The following RASA3 variants were observed in gnomAD, a reference collection of about 807,000 sequenced individuals.
RASA3 encodes RAS p21 protein activator 3.
Under a neutral mutation model 110.0 loss-of-function variants are expected in RASA3, and 73 were observed. The observed-to-expected ratio is 0.66, with a 90% confidence interval of 0.55 to 0.81. RASA3 has a LOEUF of 0.81. Among genes scored for constraint, RASA3 ranks in the 30% least tolerant of loss-of-function variants. RASA3 has a pLI of 0.00. For synonymous variants in RASA3, 500 were observed against 451.4 expected (o/e 1.11, Z -1.37); for missense variants, 976 against 1,113.2 (o/e 0.88, Z 1.75).
chr13:114,068,025 C>T (rs1004322458), intron 2 of RASA3, among the ~76,000 whole-genome samples: 1 of 152,252 alleles, frequency 6.6e-6, no homozygotes, highest in Admixed American at 6.5e-5. Context: ...AAGAACTTTT[C>T]CTACAGACAC....
At chr13:114,073,951 C>T (rs1014994065) in intron 1 of RASA3, 114 bp from the exon 2 acceptor site, 32 of 970,724 alleles carry the variant, frequency 3.3e-5, no homozygotes, top group Non-Finnish European at 4.9e-5. Flanking sequence ...CTCTATAAAG[C>T]CTTGGTTTTT....
intron 1 of RASA3, among the ~76,000 whole-genome samples, chr13:114,102,215 C>T (rs975928958): frequency 6.6e-6 from 1 of 152,066 alleles, no homozygotes; most frequent in African/African-American, 2.4e-5. Context: ...CCACAGCGGG[C>T]GGGTGGTAGG....
At chr13:114,036,628 C>T (rs1039525507) in intron 4 of RASA3, among the ~76,000 whole-genome samples, 2 of 152,156 alleles carry the variant, frequency 1.3e-5, no homozygotes, top group Admixed American at 1.3e-4. Flanking sequence ...ACCTCCGCCT[C>T]CCGGGTTCAA....
rs1322319503 is a variant in RASA3, at chr13:114,027,466, T to A, written c.531-5A>T. 6.2e-7 allele frequency: 1 copy of A among 1,606,332 alleles called. No homozygotes were observed. The highest frequency in any genetic ancestry group is 8.5e-7 in the Non-Finnish European group (1 of 1,173,038). On this transcript the variant is annotated splice_polypyrimidine_tract_variant and splice_region_variant and intron_variant, in intron 6 of 23. Transcript: ENST00000334062. ...TTCGTCTTCTTTGCTTCTGATCTGT[T>A]ATCAAGTGAGAAAGGATTGGGATTA...
At chr13:114,025,799 T>G (rs1285210575) in intron 7 of RASA3, among the ~76,000 whole-genome samples, 1 of 152,250 alleles carries the variant, frequency 6.6e-6, no homozygotes, top group Non-Finnish European at 1.5e-5. Flanking sequence ...ACATCTGTTT[T>G]CCTGGGTCTG....
rs1184207090 is a variant in RASA3, at chr13:113,977,883, A to G, written c.*1464T>C. On this transcript the variant is annotated 3_prime_UTR_variant, in exon 24 of 24. Coordinates refer to ENST00000334062, the MANE Select transcript of RASA3 (RefSeq NM_007368.4). Reference sequence around the variant, plus strand: ...CATTAAGTTATAAATCCATGTTAAAAATTGCAGCTCAGTGCAGCCCCAACA... The same window carrying G: ...CATTAAGTTATAAATCCATGTTAAAGATTGCAGCTCAGTGCAGCCCCAACA... 6.6e-6 allele frequency: 1 copy of G among 152,426 alleles called. No homozygotes were observed. Among genetic ancestry groups the G allele is most frequent in the Non-Finnish European group, 1.5e-5 (1 of 68,046 alleles). The allele number at this position is 152,426 out of a possible 1,614,324, so 9.4% of individuals were successfully genotyped here. A position where few individuals can be genotyped will look rare whatever the true frequency, so the allele number is the denominator to read the frequency against.
chr13:114,033,221 A>C (rs1299323263), intron 4 of RASA3, among the ~76,000 whole-genome samples: 2 of 56,940 alleles, frequency 3.5e-5, no homozygotes, highest in African/African-American at 6.7e-5. Flanking sequence ...CAGCACCCCC[A>C]CACTTGACAC....
intron 1 of RASA3, among the ~76,000 whole-genome samples, chr13:114,119,761 C>T (rs796398816): frequency 0.01 from 51 of 4,924 alleles, 6 homozygotes; most frequent in East Asian, 0.016. Flanking sequence ...CGTCGATCAG[C>T]GCCCCCCTCC....
In RASA3 at chr13:114,008,965, CGTTCCT is replaced by C. The variant is rs1350198862; in HGVS notation, c.1668+416_1668+421del. ...CGGTCTGGATGTTCCCCACGCACCGCGTTCCTAACTGTGGGGAGGAGCAGAGCCCTG... is the reference window on the plus strand; with the variant it reads ...CGGTCTGGATGTTCCCCACGCACCGCAACTGTGGGGAGGAGCAGAGCCCTG... On this transcript the variant is annotated intron_variant, in intron 17 of 23. Transcript: ENST00000334062. Among the ~76,000 whole-genome samples, 194 of 119,648 alleles carry C rather than the reference CGTTCCT, an allele frequency of 1.6e-3. 17 individuals carry two copies. The highest frequency in any genetic ancestry group is 3.1e-3 in the South Asian group (12 of 3,894). The allele number at this position is 119,648 out of a possible 152,430, so 78.5% of individuals were successfully genotyped here.
At chr13:113,998,495 G>A (rs2053307538) in intron 20 of RASA3, among the ~76,000 whole-genome samples, 1 of 152,200 alleles carries the variant, frequency 6.6e-6, no homozygotes, top group Non-Finnish European at 1.5e-5. Flanking sequence ...GCTGCAGTCG[G>A]GGCACAGAAG....
intron 1 of RASA3, among the ~76,000 whole-genome samples, chr13:114,097,335 C>T (rs1228470485): frequency 6.6e-6 from 1 of 152,226 alleles, no homozygotes; most frequent in Non-Finnish European, 1.5e-5. Flanking sequence ...CTACAAGCAG[C>T]CGGCAACCTG....
chr13:114,062,523 C>G (rs949813055), intron 2 of RASA3, among the ~76,000 whole-genome samples: 1 of 152,060 alleles, frequency 6.6e-6, no homozygotes, highest in Non-Finnish European at 1.5e-5. Context: ...GTTCCACCCC[C>G]AGGTGTGCAG....
At chr13:114,041,752 G>A (rs1357162223) in intron 3 of RASA3, among the ~76,000 whole-genome samples, 3 of 152,252 alleles carry the variant, frequency 2.0e-5, no homozygotes, top group African/African-American at 7.2e-5. Context: ...GCAGGACTGA[G>A]AGCCAGAATG....
At chr13:114,015,640 A>C (rs557913244) in intron 13 of RASA3, among the ~76,000 whole-genome samples, 2 of 152,270 alleles carry the variant, frequency 1.3e-5, no homozygotes, top group Non-Finnish European at 2.9e-5. Context: ...TGTCATTTAC[A>C]TACAGAAATG....
At chr13:114,064,245 G>C (rs1189068922) in intron 2 of RASA3, among the ~76,000 whole-genome samples, 1 of 152,188 alleles carries the variant, frequency 6.6e-6, no homozygotes, top group Non-Finnish European at 1.5e-5. Context: ...CGTCCACCTC[G>C]ATCACGTCAC....
chr13:114,099,540 C>T (rs2079995331), intron 1 of RASA3, among the ~76,000 whole-genome samples: 1 of 151,680 alleles, frequency 6.6e-6, no homozygotes, highest in African/African-American at 2.4e-5. Flanking sequence ...CCTCCTTTCC[C>T]TCCCTGCCTG....
intron 7 of RASA3, among the ~76,000 whole-genome samples, chr13:114,024,685 C>A (rs2053994818): frequency 6.6e-6 from 1 of 152,232 alleles, no homozygotes; most frequent in Non-Finnish European, 1.5e-5. Flanking sequence ...TCTGGGCCTG[C>A]CACCCCGTGA....
intron 2 of RASA3, among the ~76,000 whole-genome samples, chr13:114,061,257 C>T (rs942710189): frequency 1.3e-5 from 2 of 152,160 alleles, no homozygotes; most frequent in African/African-American, 4.8e-5. Context: ...CCGCCATGGC[C>T]GGGGACGCTG....
chr13:114,095,335 C>T (rs2079928942), intron 1 of RASA3, among the ~76,000 whole-genome samples: 2 of 152,144 alleles, frequency 1.3e-5, no homozygotes, highest in Non-Finnish European at 2.9e-5. Flanking sequence ...AAAACCATCA[C>T]CACTAACTCC....
Sources: allele counts gnomAD v4.1 joint callset (sites outside exome capture counted in the v4.1 genomes callset), GRCh38; gene constraint gnomAD v4.1.1; transcripts MANE v1.5; gene names NCBI Gene and HGNC (gene_info 2026-07-23, HGNC 2026-07-21).